Variants in ABLIM1 observed in about 807,000 individuals in gnomAD.
The protein encoded by ABLIM1 is actin-binding LIM protein 1.
ABLIM1 carries 40 observed loss-of-function variants against 107.0 expected under a neutral mutation model. The ratio of observed to expected loss-of-function variants is 0.37; its 90% CI spans 0.29 to 0.49. The LOEUF is 0.49. Ranked by LOEUF, ABLIM1 falls within the 20% of genes least tolerant of loss-of-function variation. ABLIM1 has a pLI of 0.97. For missense variants in ABLIM1, 857 were observed against 1,008.5 expected (o/e 0.85, Z 2.04); for synonymous variants, 357 against 357.3 (o/e 1.00, Z 0.01).
At chr10:114,595,703 A>G (rs896126829) in intron 2 of ABLIM1, among the ~76,000 whole-genome samples, 1 of 152,200 alleles carries the variant, frequency 6.6e-6, no homozygotes, top group Non-Finnish European at 1.5e-5. Flanking sequence ...CCATCCATCA[A>G]TTAAACCACT....
intron 6 of ABLIM1, among the ~76,000 whole-genome samples, chr10:114,516,241 C>T (rs1226880874): frequency 4.0e-5 from 6 of 151,874 alleles, no homozygotes; most frequent in African/African-American, 9.7e-5. Context: ...AAATGTTTTG[C>T]GGCCAGGTGT....
chr10:114,602,463 C>T (rs544727818), intron 1 of ABLIM1, among the ~76,000 whole-genome samples: 2 of 152,194 alleles, frequency 1.3e-5, no homozygotes, highest in Non-Finnish European at 2.9e-5. Flanking sequence ...AGCAAAGGTG[C>T]TCAGTAAATG....
chr10:114,665,893 G>C (rs954233421), intron 1 of ABLIM1, among the ~76,000 whole-genome samples: 37 of 152,270 alleles, frequency 2.4e-4, no homozygotes, highest in Middle Eastern at 3.4e-3. Context: ...TTCCCAAAAG[G>C]GAATCCCAGG....
chr10:114,697,120 A>G (rs969033565), intron 1 of ABLIM1, among the ~76,000 whole-genome samples: 1 of 152,204 alleles, frequency 6.6e-6, no homozygotes, highest in Admixed American at 6.5e-5. Context: ...CAGGTCAGAC[A>G]CAAAACACGC....
intron 1 of ABLIM1, among the ~76,000 whole-genome samples, chr10:114,727,480 T>C (rs1387026016): frequency 6.6e-6 from 1 of 152,218 alleles, no homozygotes; most frequent in Admixed American, 6.5e-5. Flanking sequence ...ATAACCACTT[T>C]ACAATATACA....
At chr10:114,688,310 T>C (rs900818917), upstream of ABLIM1, among the ~76,000 whole-genome samples, 2 of 152,154 alleles carry the variant, frequency 1.3e-5, no homozygotes, top group African/African-American at 4.8e-5. Context: ...CCTAAGTGCA[T>C]TCCGCTTCTA....
intron 1 of ABLIM1, among the ~76,000 whole-genome samples, chr10:114,638,088 C>G (rs2078569492): frequency 6.6e-6 from 1 of 152,096 alleles, no homozygotes; most frequent in South Asian, 2.1e-4. Context: ...TGTGGGCTCT[C>G]TGAGGGAAAG....
intron 4 of ABLIM1, among the ~76,000 whole-genome samples, chr10:114,554,512 T>C (rs2068474569): frequency 6.6e-6 from 1 of 152,120 alleles, no homozygotes; most frequent in Non-Finnish European, 1.5e-5. Context: ...GCCTAGGCAA[T>C]ATAGTGAGAC....
At chr10:114,774,210 A>G in the ABLIM1 span, among the ~76,000 whole-genome samples, 1 of 152,204 alleles carries the variant, frequency 6.6e-6, no homozygotes, top group Non-Finnish European at 1.5e-5. Context: ...AAACAACAAA[A>G]CTGAAAAAAA....
chr10:114,670,934 AAT>A (rs1247618727), intron 1 of ABLIM1, among the ~76,000 whole-genome samples: 7 of 152,126 alleles, frequency 4.6e-5, no homozygotes, highest in Non-Finnish European at 1.0e-4. Context: ...TTTTTATTGA[AAT>A]ATATATCTTA....
chr10:114,650,933 G>A (rs984154696), intron 1 of ABLIM1, among the ~76,000 whole-genome samples: 1 of 152,106 alleles, frequency 6.6e-6, no homozygotes, highest in Non-Finnish European at 1.5e-5. Flanking sequence ...TCATAATACC[G>A]CTGCAATGTG....
chr10:114,718,101 A>AGGAAGGAAGGAAGGAAGG (rs1566269744), intron 1 of ABLIM1, among the ~76,000 whole-genome samples: 1 of 40,418 alleles, frequency 2.5e-5, no homozygotes, highest in Non-Finnish European at 7.7e-5. Flanking sequence ...AAGGAAAAGA[A>AGGAAGGAAGGAAGGAAGG]AAAGAAAAAG....
At chr10:114,551,530 C>T (rs1009538225) in intron 4 of ABLIM1, among the ~76,000 whole-genome samples, 10 of 152,238 alleles carry the variant, frequency 6.6e-5, no homozygotes, top group African/African-American at 1.9e-4. Flanking sequence ...GAGTTACACT[C>T]TATATAAATG....
At chr10:114,597,249 T>C (rs532050532) in intron 2 of ABLIM1, among the ~76,000 whole-genome samples, 1 of 152,292 alleles carries the variant, frequency 6.6e-6, no homozygotes, top group Non-Finnish European at 1.5e-5. Context: ...CTGGGACTTA[T>C]AAAAAGTAAA....
intron 6 of ABLIM1, among the ~76,000 whole-genome samples, chr10:114,492,414 C>A (rs942635175): frequency 6.6e-6 from 1 of 152,166 alleles, no homozygotes; most frequent in Non-Finnish European, 1.5e-5. Context: ...ATGCAGCTTG[C>A]AACAATCTTT....
chr10:114,519,427 C>T (rs564299664), intron 6 of ABLIM1, among the ~76,000 whole-genome samples: 27 of 152,302 alleles, frequency 1.8e-4, no homozygotes, highest in East Asian at 5.8e-4. Flanking sequence ...CTTTTTTCCC[C>T]GCCCAGCACA....
chr10:114,799,737 C>T, the ABLIM1 span, among the ~76,000 whole-genome samples: 10 of 152,182 alleles, frequency 6.6e-5, no homozygotes, highest in Non-Finnish European at 1.5e-4. Flanking sequence ...TCCATTCTTG[C>T]CTTTCCCACA....
At chr10:114,664,194 G>C (rs1026994174) in intron 1 of ABLIM1, among the ~76,000 whole-genome samples, 1 of 152,208 alleles carries the variant, frequency 6.6e-6, no homozygotes, top group African/African-American at 2.4e-5. Flanking sequence ...ATGTAAGCTA[G>C]ATAAGGAATA....
intron 1 of ABLIM1, among the ~76,000 whole-genome samples, chr10:114,674,634 A>G (rs988292324): frequency 6.6e-6 from 1 of 152,036 alleles, no homozygotes; most frequent in Non-Finnish European, 1.5e-5. Flanking sequence ...ATAATACAAT[A>G]TGTAAAGACA....
Sources: gnomAD v4.1 joint callset for allele counts (sites outside exome capture counted in the v4.1 genomes callset) on GRCh38, gnomAD v4.1.1 for gene constraint, MANE v1.5 for transcripts, NCBI Gene and HGNC (gene_info 2026-07-23, HGNC 2026-07-21) for gene names.